The following PALLD variants were observed in gnomAD, a reference collection of about 807,000 sequenced individuals.
The protein encoded by PALLD is palladin.
PALLD carries 61 observed loss-of-function variants against 123.5 expected under a neutral mutation model. The ratio of observed to expected loss-of-function variants is 0.49; its 90% CI spans 0.40 to 0.61. The LOEUF is 0.61. PALLD is among the 20% of genes least tolerant of loss of function. The pLI is 0.00. For synonymous variants in PALLD, 465 were observed against 496.4 expected (o/e 0.94, Z 0.84); for missense variants, 1,273 against 1,377.0 (o/e 0.92, Z 1.20).
intron 10 of PALLD, among the ~76,000 whole-genome samples, chr4:168,761,662 T>TTGTTTG (rs1732935146): frequency 3.0e-5 from 4 of 131,366 alleles, no homozygotes; most frequent in Admixed American, 1.6e-4. Flanking sequence ...TTTTTTTTTT[T>TTGTTTG]TTTTTTTTTT....
intron 2 of PALLD, among the ~76,000 whole-genome samples, chr4:168,542,886 AC>A (rs1227758890): frequency 6.6e-6 from 1 of 151,090 alleles, no homozygotes; most frequent in African/African-American, 2.4e-5. Flanking sequence ...ACGTGGCTGG[AC>A]CCAGAGCAAG....
At chr4:168,590,463 C>A (rs959198305) in intron 2 of PALLD, among the ~76,000 whole-genome samples, 1 of 152,168 alleles carries the variant, frequency 6.6e-6, no homozygotes, top group African/African-American at 2.4e-5. Context: ...CAGTTAGAAC[C>A]ACCCTGTTAA....
At chr4:168,877,927 G>A in intron 10 of PALLD, 1 of 1,489,886 alleles carries the variant, frequency 6.7e-7, no homozygotes, top group Non-Finnish European at 8.9e-7. Flanking sequence ...CCCCCGCCAT[G>A]CAGTCCTCCG....
rs1216822754 is a variant in PALLD, at chr4:168,913,997, C to T, written c.2693C>T (p.Pro898Leu). The T allele has an allele frequency of 3.1e-6, 5 of 1,609,568 alleles. No homozygotes were observed. Among genetic ancestry groups the T allele is most frequent in the Non-Finnish European group, 4.3e-6 (5 of 1,176,038 alleles). ...VNQRGRSPRS[P>L]SGHPHVRRPR... ...CAAAGAGGTCGAAGTCCCCGGTCTCCCTCAGGCCATCCTCATGTCAGAAGG... is the reference window on the plus strand; with the variant it reads ...CAAAGAGGTCGAAGTCCCCGGTCTCTCTCAGGCCATCCTCATGTCAGAAGG... The change falls in exon 16 of 22, where the codon CCC (proline) becomes CTC (leucine). Residue 898 changes from proline (P) to leucine (L), a missense_variant. Around this residue, in one of 2 missense-constraint regions of PALLD, gnomAD observed 329 missense variants for 422.5 expected, o/e 0.78. Coordinates refer to ENST00000505667, the MANE Select transcript of PALLD (RefSeq NM_001166108.2).
chr4:168,888,122 G>T (rs1753626785), intron 10 of PALLD, among the ~76,000 whole-genome samples: 1 of 152,102 alleles, frequency 6.6e-6, no homozygotes, highest in African/African-American at 2.4e-5. Context: ...AGCAAACTAT[G>T]CACGTGTTTG....
At chr4:168,755,407 A>G (rs1731701129) in intron 10 of PALLD, among the ~76,000 whole-genome samples, 1 of 150,530 alleles carries the variant, frequency 6.6e-6, no homozygotes, top group South Asian at 2.2e-4. Flanking sequence ...GGGAAAGATC[A>G]CGTTTTTAAG....
At chr4:168,594,584 G>A (rs1466968716) in intron 2 of PALLD, among the ~76,000 whole-genome samples, 1 of 152,148 alleles carries the variant, frequency 6.6e-6, no homozygotes, top group Non-Finnish European at 1.5e-5. Flanking sequence ...AAGAGGACTT[G>A]AATTCTTGTT....
At chr4:168,830,569 C>A (rs924296830) in intron 10 of PALLD, among the ~76,000 whole-genome samples, 1 of 152,052 alleles carries the variant, frequency 6.6e-6, no homozygotes, top group Admixed American at 6.6e-5. Context: ...AAACAATTAT[C>A]TAAGCTATTT....
intron 8 of PALLD, chr4:168,700,159 CA>C: frequency 5.9e-6 from 1 of 169,938 alleles, no homozygotes; most frequent in Non-Finnish European, 1.3e-5. Flanking sequence ...TTTCTCTCAA[CA>C]AAATGTGAGC....
intron 10 of PALLD, among the ~76,000 whole-genome samples, chr4:168,798,790 A>C (rs1206033988): frequency 6.6e-6 from 1 of 152,198 alleles, no homozygotes; most frequent in African/African-American, 2.4e-5. Flanking sequence ...ATAATACTTA[A>C]CTCATTGCTG....
At chr4:168,573,444 A>G (rs1016521383) in intron 2 of PALLD, among the ~76,000 whole-genome samples, 2 of 152,164 alleles carry the variant, frequency 1.3e-5, no homozygotes, top group South Asian at 2.1e-4. Context: ...TCCCAATTCT[A>G]TACCCCCAGT....
intron 2 of PALLD, among the ~76,000 whole-genome samples, chr4:168,514,010 G>A (rs1762768076): frequency 1.3e-5 from 2 of 152,024 alleles, no homozygotes; most frequent in South Asian, 4.1e-4. Context: ...AGAGGCTGAG[G>A]CACAAGAATC....
chr4:168,620,026 G>A (rs889271642), intron 2 of PALLD, among the ~76,000 whole-genome samples: 1 of 147,044 alleles, frequency 6.8e-6, no homozygotes, highest in Non-Finnish European at 1.5e-5. Context: ...GTGGGCAAAC[G>A]CACAACCTGC....
rs182116302 is a variant in PALLD, at chr4:168,570,224, C to T, written c.908+57812C>T. Among the ~76,000 whole-genome samples the T allele has an allele frequency of 2.0e-3, 309 of 152,230 alleles. 2 individuals are homozygous for T. Among genetic ancestry groups the T allele is most frequent in the African/African-American group, 7.1e-3 (297 of 41,544 alleles). Reference sequence around the variant, plus strand: ...ATTCAATAATTGTCTGTCTATTTAACGGGCGGATTTTATTTCAAACCAAAT... The same window carrying T: ...ATTCAATAATTGTCTGTCTATTTAATGGGCGGATTTTATTTCAAACCAAAT... On this transcript the variant is annotated intron_variant, in intron 2 of 21. Coordinates refer to ENST00000505667, the MANE Select transcript of PALLD (RefSeq NM_001166108.2).
At chr4:168,833,882 C>T (rs1017517361) in intron 10 of PALLD, among the ~76,000 whole-genome samples, 11 of 149,656 alleles carry the variant, frequency 7.4e-5, no homozygotes, top group Admixed American at 1.3e-4. Context: ...CTAATGTACC[C>T]CTATGCCTTT....
chr4:168,580,522 G>A (rs908342615), intron 2 of PALLD, among the ~76,000 whole-genome samples: 1 of 152,076 alleles, frequency 6.6e-6, no homozygotes, highest in Non-Finnish European at 1.5e-5. Flanking sequence ...TACACTGCTG[G>A]TGAGAGTATA....
intron 10 of PALLD, among the ~76,000 whole-genome samples, chr4:168,736,076 G>A (rs993067501): frequency 2.0e-5 from 3 of 152,216 alleles, no homozygotes; most frequent in African/African-American, 4.8e-5. Flanking sequence ...GGCTCAATGA[G>A]TGGCAGAGCT....
intron 18 of PALLD, among the ~76,000 whole-genome samples, chr4:168,923,715 G>A (rs1424432939): frequency 6.6e-6 from 1 of 152,170 alleles, no homozygotes; most frequent in South Asian, 2.1e-4. Flanking sequence ...ATTTAAAGCT[G>A]CCAAATTTAG....
intron 2 of PALLD, among the ~76,000 whole-genome samples, chr4:168,559,726 A>G (rs1294629868): frequency 1.3e-5 from 2 of 151,900 alleles, no homozygotes; most frequent in African/African-American, 2.4e-5. Flanking sequence ...GCGAAACCCC[A>G]TCTCTACAAA....
Sources: gnomAD v4.1 joint callset for allele counts (sites outside exome capture counted in the v4.1 genomes callset) on GRCh38, gnomAD v4.1.1 for gene constraint, gnomAD v4.1.1 regional missense constraint, MANE v1.5 for transcripts, NCBI Gene and HGNC (gene_info 2026-07-23, HGNC 2026-07-21) for gene names.